Variants in CHRNA7 observed in about 807,000 individuals in gnomAD.
CHRNA7 encodes the protein cholinergic receptor nicotinic alpha 7 subunit.
Under a neutral mutation model 48.0 loss-of-function variants are expected in CHRNA7, and 17 were observed. The observed-to-expected ratio is 0.35, with a 90% CI of 0.24 to 0.53. The LOEUF is 0.53. Ranked by LOEUF, CHRNA7 falls within the 20% of genes least tolerant of loss-of-function variation. The pLI is 0.92. For synonymous variants in CHRNA7, 75 were observed against 242.3 expected, an observed-to-expected ratio of 0.31 and a Z score of 6.41; for missense variants, 155 against 577.7, an observed-to-expected ratio of 0.27 and a Z score of 7.50.
At chr15:32,143,825 A>T (rs942920764) in intron 4 of CHRNA7, among the ~76,000 whole-genome samples, 1 of 151,852 alleles carries the variant, frequency 6.6e-6, no homozygotes, top group Non-Finnish European at 1.5e-5. Context: ...TGCATGTGAG[A>T]TGGGTCTCCT....
At chr15:32,112,467 C>T (rs2050779019) in intron 4 of CHRNA7, 1 of 404,760 alleles carries the variant, frequency 2.5e-6, no homozygotes, top group African/African-American at 2.0e-5. Context: ...AAATAAGGGA[C>T]ACGTCGGTAA....
At chr15:32,114,089 T>TAC (rs1287180293) in intron 4 of CHRNA7, among the ~76,000 whole-genome samples, 107 of 137,210 alleles carry the variant, frequency 7.8e-4, no homozygotes, top group African/African-American at 2.9e-3. Flanking sequence ...CATACATACA[T>TAC]ACACACACAC....
Position 32,030,896 on chromosome 15 carries a change from A to G in CHRNA7, c.56-2A>G. 1 of 1,613,798 alleles carries G rather than the reference A, an allele frequency of 6.2e-7. No homozygotes were observed. The highest frequency in any genetic ancestry group is 8.5e-7 in the Non-Finnish European group (1 of 1,179,938). On this transcript the variant is annotated splice_acceptor_variant, in intron 1 of 9. Transcript: ENST00000306901. LOFTEE classifies it high-confidence loss of function. The stretch of plus-strand genomic sequence containing the variant: ...CCCCTGCCCGGGTCTTCTCTCCTTA[A>G]GTGTCCCTGCAAGGCGAGTTCCAGA...
chr15:32,089,307 T>G (rs960574223), intron 2 of CHRNA7, among the ~76,000 whole-genome samples: 2 of 152,166 alleles, frequency 1.3e-5, no homozygotes, highest in South Asian at 4.1e-4. Flanking sequence ...TTGGATAATC[T>G]GTTTTTTTTT....
At position 32,149,002 on chromosome 15, in the gene CHRNA7, AC is replaced by A. The variant is rs1351375283; in HGVS notation, c.351-4900del. On this transcript the variant is annotated intron_variant, in intron 4 of 9. Transcript: ENST00000306901. This position sits in a 1 kb window ranked among gnomAD's most constrained non-coding sequence, Gnocchi z 4.6. ...TGTTTGAGTTACATTTGCCCCAGTC[AC>A]CCCCTCCGTGGTGAGGGTAGGGCTC... 6.6e-6 allele frequency among the ~76,000 whole-genome samples: 1 copy of A among 151,500 alleles called. No individual in the cohort carries two copies. The highest frequency in any genetic ancestry group is 6.6e-5 in the Admixed American group (1 of 15,190).
chr15:32,086,138 G>A (rs554687446), intron 2 of CHRNA7, among the ~76,000 whole-genome samples: 3 of 152,200 alleles, frequency 2.0e-5, no homozygotes, highest in African/African-American at 7.2e-5. Context: ...GGGAGGCTGA[G>A]GCGGGCAGAT....
At chr15:32,108,689 C>T (rs940597090) in intron 3 of CHRNA7, among the ~76,000 whole-genome samples, 1 of 152,112 alleles carries the variant, frequency 6.6e-6, no homozygotes, top group African/African-American at 2.4e-5. Flanking sequence ...TTGGCTGCAG[C>T]TATGTTATGA....
chr15:32,110,051 G>T (rs1043035293), intron 3 of CHRNA7, among the ~76,000 whole-genome samples: 4 of 152,214 alleles, frequency 2.6e-5, no homozygotes, highest in Admixed American at 6.5e-5. Flanking sequence ...AGGGCAGTTC[G>T]TGGAATCTTG....
At chr15:32,075,905 A>C (rs2050130026) in intron 2 of CHRNA7, among the ~76,000 whole-genome samples, 1 of 152,088 alleles carries the variant, frequency 6.6e-6, no homozygotes, top group Non-Finnish European at 1.5e-5. Flanking sequence ...TCATATTCAA[A>C]ATATATTTTT....
chr15:32,068,991 G>A (rs34863647), intron 2 of CHRNA7, among the ~76,000 whole-genome samples: 5,998 of 152,206 alleles, frequency 0.039, 145 homozygotes, highest in Middle Eastern at 0.099. Context: ...AATGGCTTTC[G>A]TCTGCTAGCT....
chr15:32,134,032 G>A (rs1399123401), intron 4 of CHRNA7, among the ~76,000 whole-genome samples: 1 of 152,166 alleles, frequency 6.6e-6, no homozygotes, highest in Non-Finnish European at 1.5e-5. Context: ...AAGTGTCCAG[G>A]TGTGAGGCCA....
intron 3 of CHRNA7, among the ~76,000 whole-genome samples, chr15:32,110,748 A>G (rs1449392700): frequency 6.6e-6 from 1 of 152,186 alleles, no homozygotes; most frequent in Non-Finnish European, 1.5e-5. Flanking sequence ...TCAAATTGAA[A>G]TCTATGTGAA....
Position 32,042,272 on chromosome 15 carries a change from G to A in CHRNA7, c.195+11235G>A, listed in dbSNP as rs371341194. Among the ~76,000 whole-genome samples the A allele has an allele frequency of 1.0e-3, 157 of 152,278 alleles. 6 individuals are homozygous for A. The South Asian group carries it at 0.032, about 31-fold the overall frequency. ...TGTTTCTCCCCACTTGAGTGCGATAGGATGGCTAGAGTGGGTGGAGTTCAG... is the reference window on the plus strand; with the variant it reads ...TGTTTCTCCCCACTTGAGTGCGATAAGATGGCTAGAGTGGGTGGAGTTCAG... On this transcript the variant is annotated intron_variant, in intron 2 of 9. Transcript: ENST00000306901.
At chr15:32,075,947 A>C (rs1274833251) in intron 2 of CHRNA7, among the ~76,000 whole-genome samples, 5 of 152,100 alleles carry the variant, frequency 3.3e-5, no homozygotes, top group African/African-American at 1.2e-4. Context: ...TTTTTGACCT[A>C]CAGATTACTT....
At chr15:32,089,161 G>T (rs1423816380) in intron 2 of CHRNA7, among the ~76,000 whole-genome samples, 1 of 152,058 alleles carries the variant, frequency 6.6e-6, no homozygotes. Flanking sequence ...GAGCTTCTTG[G>T]ATCTATGATT....
At chr15:32,136,723 T>C (rs1345268926) in intron 4 of CHRNA7, among the ~76,000 whole-genome samples, 1 of 150,586 alleles carries the variant, frequency 6.6e-6, no homozygotes, top group East Asian at 1.9e-4. Flanking sequence ...AGGGGTCGAA[T>C]GGGGAAGGGA....
intron 2 of CHRNA7, among the ~76,000 whole-genome samples, chr15:32,089,569 G>GTTTC (rs10676725): frequency 1 from 152,266 of 152,292 alleles, 76,120 homozygotes; most frequent in Non-Finnish European, 1. Context: ...CTTTCTGAGA[G>GTTTC]TTTCTGCTGA....
intron 4 of CHRNA7, among the ~76,000 whole-genome samples, chr15:32,137,040 A>T (rs867983652): frequency 4.1e-5 from 6 of 146,638 alleles, no homozygotes; most frequent in African/African-American, 1.3e-4. Flanking sequence ...TCAAAAAAAA[A>T]AAAAAAGAAA....
chr15:32,095,202 T>C (rs1442937380), intron 2 of CHRNA7, among the ~76,000 whole-genome samples: 1 of 152,124 alleles, frequency 6.6e-6, no homozygotes, highest in East Asian at 1.9e-4. Context: ...AGAGCCGAGC[T>C]CTGTATCCCG....
Sources: gnomAD v4.1 joint callset for allele counts (sites outside exome capture counted in the v4.1 genomes callset) on GRCh38, gnomAD v4.1.1 for gene constraint, Gnocchi (gnomAD v3.1) non-coding constraint, MANE v1.5 for transcripts, NCBI Gene and HGNC (gene_info 2026-07-23, HGNC 2026-07-21) for gene names.